The following NOL11 variants were observed in gnomAD, a reference collection of about 807,000 sequenced individuals.
NOL11 encodes the protein nucleolar protein 11.
NOL11 carries 42 observed loss-of-function variants against 93.0 expected under a neutral mutation model. The observed-to-expected ratio is 0.45, with a 90% CI of 0.35 to 0.58. The LOEUF (loss-of-function observed/expected upper bound fraction) is 0.58. Ranked by LOEUF, NOL11 falls within the 20% of genes least tolerant of loss-of-function variation. The probability of loss-of-function intolerance (pLI) is 0.00; values close to 1 mark genes in which losing one functional copy is unlikely to be tolerated. For synonymous variants in NOL11, 296 were observed against 293.7 expected (o/e 1.01, Z -0.08); for missense variants, 775 against 841.8 (o/e 0.92, Z 0.98).
chr17:67,726,887 G>T, intron 7 of NOL11: 1 of 349,918 alleles, frequency 2.9e-6, no homozygotes, highest in Non-Finnish European at 5.1e-6. Flanking sequence ...ATGTCATAAA[G>T]AAATAAAAAT....
chr17:67,722,761 T>C (rs1279783150), intron 5 of NOL11, 124 bp downstream of exon 5: 2 of 1,284,358 alleles, frequency 1.6e-6, no homozygotes, highest in Admixed American at 3.6e-5. Flanking sequence ...GATGGTTCAC[T>C]GCAGCCTCAA....
At chr17:67,727,989 A>G (rs1050848560) in intron 7 of NOL11, among the ~76,000 whole-genome samples, 2 of 151,382 alleles carry the variant, frequency 1.3e-5, no homozygotes, top group African/African-American at 4.9e-5. Flanking sequence ...AGCCGGGCAC[A>G]GTAGCTCATG....
intron 12 of NOL11, 37 bp from the exon 13 acceptor site, chr17:67,737,810 T>G (rs764315309): frequency 3.8e-6 from 6 of 1,589,648 alleles, no homozygotes; most frequent in Admixed American, 3.8e-5. Context: ...GAGAATTTTC[T>G]TAATATGTAA....
At chr17:67,743,678 C>G (rs2055275515) in intron 17 of NOL11, 65 bp from the exon 18 acceptor site, 15 of 1,197,232 alleles carry the variant, frequency 1.3e-5, no homozygotes, top group East Asian at 7.4e-5. Context: ...AAATAACTTA[C>G]TCATGGAAGA....
rs748989262 is a variant in NOL11, at chr17:67,739,060, G to A, written c.1842+50G>A. On this transcript the variant is annotated intron_variant, in intron 15 of 17. Transcript: ENST00000253247. Reference sequence around the variant, plus strand: ...GAATTTTACTTCTGGTTTAAATATTGCTATTTAACTCTAACCAGCTGTTAG... The same window carrying A: ...GAATTTTACTTCTGGTTTAAATATTACTATTTAACTCTAACCAGCTGTTAG... 2.4e-6 allele frequency: 3 copies of A among 1,252,616 alleles called. No homozygotes were observed. In the South Asian group the frequency reaches 3.7e-5, roughly 15 times the overall value. 77.6% of individuals were successfully genotyped at this position (1,252,616 alleles called of 1,614,324 possible).
At chr17:67,743,212 GA>G (rs561723386) in intron 16 of NOL11, among the ~76,000 whole-genome samples, 8 of 152,152 alleles carry the variant, frequency 5.3e-5, no homozygotes, top group Non-Finnish European at 1.0e-4. Context: ...AGTGAGCTAT[GA>G]ATTGTGCCAT....
At chr17:67,725,828 C>T (rs893778119) in intron 6 of NOL11, among the ~76,000 whole-genome samples, 1 of 152,114 alleles carries the variant, frequency 6.6e-6, no homozygotes, top group Non-Finnish European at 1.5e-5. Flanking sequence ...ACCTGTAATC[C>T]CGGTACTTTG....
intron 1 of NOL11, 194 bp from the exon 2 acceptor site, chr17:67,719,480 C>G (rs558301773): frequency 2.6e-6 from 1 of 386,322 alleles, no homozygotes; most frequent in Admixed American, 4.4e-5. Context: ...AAGCTGGTCT[C>G]GAACTCCTGA....
chr17:67,742,495 A>G (rs770265467), intron 16 of NOL11, among the ~76,000 whole-genome samples: 13 of 152,098 alleles, frequency 8.5e-5, no homozygotes, highest in Non-Finnish European at 1.8e-4. Context: ...ATAATTTTTG[A>G]CAGATACTTT....
At chr17:67,728,069 G>A (rs1373652210) in intron 7 of NOL11, among the ~76,000 whole-genome samples, 4 of 152,044 alleles carry the variant, frequency 2.6e-5, no homozygotes, top group African/African-American at 4.8e-5. Context: ...GACCATCCTG[G>A]CTAACATGGT....
In NOL11 at chr17:67,719,671, T is replaced by G. The variant is rs745346482; in HGVS notation, c.142-3T>G. 6.9e-7 allele frequency: 1 copy of G among 1,449,282 alleles called. No homozygotes were observed. The highest frequency in any genetic ancestry group is 2.3e-5 in the East Asian group (1 of 43,990). 89.8% of individuals were successfully genotyped at this position (1,449,282 alleles called of 1,614,324 possible). A position where few individuals can be genotyped will look rare whatever the true frequency, so the allele number is the denominator to read the frequency against. ...AATATTGTATTTATCTTAATTTCAT[T>G]AGGTTTCTGATCAGAAACCCTTGGG... On this transcript the variant is annotated splice_region_variant and splice_polypyrimidine_tract_variant and intron_variant, in intron 1 of 17. Transcript: ENST00000253247.
chr17:67,744,112 A>G lies in NOL11; in HGVS notation c.*253A>G, dbSNP rs1203518172. The G allele has an allele frequency of 4.8e-6, 1 of 209,842 alleles. No homozygotes were observed. The highest frequency in any genetic ancestry group is 2.3e-5 in the African/African-American group (1 of 43,844). The allele number at this position is 209,842 out of a possible 1,614,324, so 13.0% of individuals were successfully genotyped here. A position where few individuals can be genotyped will look rare whatever the true frequency, so the allele number is the denominator to read the frequency against. ...AAAATATGTAACTGGGTTGATTTTA[A>G]GTAAAATTATTTGTGTATTGATAAA... is the stretch of plus-strand genomic sequence containing the variant. On this transcript the variant is annotated 3_prime_UTR_variant, in exon 18 of 18. Transcript: ENST00000253247.
chr17:67,736,918 A>G, intron 10 of NOL11, 153 bp from the exon 11 acceptor site: 1 of 724,282 alleles, frequency 1.4e-6, no homozygotes, highest in Non-Finnish European at 2.3e-6. Flanking sequence ...TTATCCAGAA[A>G]TGCCCCATGT....
At chr17:67,723,068 A>G (rs1237737338) in intron 5 of NOL11, among the ~76,000 whole-genome samples, 3 of 147,420 alleles carry the variant, frequency 2.0e-5, no homozygotes, top group African/African-American at 5.1e-5. Flanking sequence ...CCTGGAGAGC[A>G]ATGGTGCGAT....
intron 8 of NOL11, 80 bp downstream of exon 8, chr17:67,734,519 T>C: frequency 1.2e-6 from 1 of 835,716 alleles, no homozygotes; most frequent in Non-Finnish European, 2.0e-6. Flanking sequence ...AGATGGGGCC[T>C]CACTCTGTTG....
rs2055237755 is a variant in NOL11, at chr17:67,739,743, A to G, written c.1935+135A>G. 2.3e-5 allele frequency: 14 copies of G among 605,040 alleles called. No individual in the cohort carries two copies. In the South Asian group the frequency reaches 2.9e-4, roughly 13 times the overall value. 37.5% of individuals were successfully genotyped at this position (605,040 alleles called of 1,614,324 possible). Reference sequence around the variant, plus strand: ...TAGGAATCCCTTCCTCATAAAACCAAACCACTGCAGCTAGAAATGGGGAGT... The same window carrying G: ...TAGGAATCCCTTCCTCATAAAACCAGACCACTGCAGCTAGAAATGGGGAGT... On this transcript the variant is annotated intron_variant, in intron 16 of 17. Transcript: ENST00000253247.
At chr17:67,733,690 G>T (rs78451889) in intron 7 of NOL11, among the ~76,000 whole-genome samples, 1,678 of 151,784 alleles carry the variant, frequency 0.011, 31 homozygotes, top group African/African-American at 0.037. Context: ...AGTTTTTTTT[G>T]TTGTTGTTTT....
intron 7 of NOL11, among the ~76,000 whole-genome samples, chr17:67,731,246 C>T (rs905294698): frequency 1.2e-5 from 1 of 80,262 alleles, no homozygotes; most frequent in African/African-American, 4.5e-5. Flanking sequence ...CCTTCGTGCA[C>T]AAAAGTTTTT....
At chr17:67,721,233 A>AT (rs2043215720) in intron 3 of NOL11, 145 bp from the exon 4 acceptor site, 1 of 513,876 alleles carries the variant, frequency 1.9e-6, no homozygotes, top group Non-Finnish European at 3.3e-6. Context: ...TGTAGGTTAG[A>AT]TTTTGGAACC....
Sources: allele counts gnomAD v4.1 joint callset (sites outside exome capture counted in the v4.1 genomes callset), GRCh38; gene constraint gnomAD v4.1.1; transcripts MANE v1.5; gene names NCBI Gene and HGNC (gene_info 2026-07-23, HGNC 2026-07-21).